The following CHN2 variants were observed in gnomAD, a reference collection of about 807,000 sequenced individuals.
The protein encoded by CHN2 is chimerin 2, also known as beta-chimaerin.
In CHN2, 35 loss-of-function variants were observed where a neutral mutation model predicts 56.3. The observed-to-expected ratio is 0.62, with a 90% CI of 0.47 to 0.82. The LOEUF (loss-of-function observed/expected upper bound fraction) is 0.82. CHN2 is among the 40% of genes least tolerant of loss of function. The pLI, the probability that CHN2 is intolerant of heterozygous loss-of-function variation, is 0.00. For synonymous variants in CHN2, 210 were observed against 212.8 expected (o/e 0.99, Z 0.12); for missense variants, 491 against 580.5 (o/e 0.85, Z 1.58).
At chr7:29,265,755 C>T (rs1456466579) in intron 1 of CHN2, among the ~76,000 whole-genome samples, 2 of 152,122 alleles carry the variant, frequency 1.3e-5, no homozygotes, top group Non-Finnish European at 1.5e-5. Flanking sequence ...TGAGTGACAG[C>T]TGAGGAGGAA....
chr7:29,461,816 TTGGA>T (rs5883212), intron 6 of CHN2, among the ~76,000 whole-genome samples: 67,126 of 143,656 alleles, frequency 0.47, 15,353 homozygotes, highest in Middle Eastern at 0.53. Flanking sequence ...GGTTGGTTCA[TTGGA>T]TGGATGGATG....
At chr7:29,381,945 G>A (rs760338898) in intron 3 of CHN2, among the ~76,000 whole-genome samples, 3 of 151,600 alleles carry the variant, frequency 2.0e-5, no homozygotes, top group African/African-American at 2.4e-5. Context: ...AAGCAAGACT[G>A]ACAGACCTTG....
chr7:29,189,436 C>T (rs1470350480), intron 2 of CHN2, among the ~76,000 whole-genome samples: 1 of 151,956 alleles, frequency 6.6e-6, no homozygotes, highest in Non-Finnish European at 1.5e-5. Flanking sequence ...CCATAGGAAC[C>T]CCCGCAGAAG....
chr7:29,483,315 C>T (rs1206956003), intron 7 of CHN2, among the ~76,000 whole-genome samples: 26 of 152,144 alleles, frequency 1.7e-4, no homozygotes, highest in Non-Finnish European at 7.3e-5. Flanking sequence ...TGGGACCTTG[C>T]GCTCTATTCT....
chr7:29,351,217 A>G (rs1797860704), intron 1 of CHN2, among the ~76,000 whole-genome samples: 1 of 151,944 alleles, frequency 6.6e-6, no homozygotes. Flanking sequence ...GAGGTTCTTT[A>G]AAAAAGAAGC....
chr7:29,276,229 G>A (rs39106), intron 1 of CHN2, among the ~76,000 whole-genome samples: 101,000 of 151,898 alleles, frequency 0.66, 34,016 homozygotes, highest in East Asian at 0.95. Context: ...AGAAATCCAC[G>A]TGGAGTTTCT....
intron 2 of CHN2, among the ~76,000 whole-genome samples, chr7:29,189,570 T>C (rs937786580): frequency 6.6e-6 from 1 of 152,110 alleles, no homozygotes; most frequent in Non-Finnish European, 1.5e-5. Flanking sequence ...ACCTGAAGTG[T>C]CAGGGAACAA....
At chr7:29,421,646 C>A (rs1163443921) in intron 6 of CHN2, among the ~76,000 whole-genome samples, 1 of 152,126 alleles carries the variant, frequency 6.6e-6, no homozygotes, top group Admixed American at 6.5e-5. Flanking sequence ...AGAAGGTGAG[C>A]TGAAAATTAA....
At chr7:29,384,610 A>T (rs1451588290) in intron 3 of CHN2, among the ~76,000 whole-genome samples, 1 of 152,204 alleles carries the variant, frequency 6.6e-6, no homozygotes, top group African/African-American at 2.4e-5. Flanking sequence ...TGCACGAGTC[A>T]TGGGTATTTG....
intron 6 of CHN2, among the ~76,000 whole-genome samples, chr7:29,437,723 G>GAA (rs55702454): frequency 1.3e-3 from 199 of 148,278 alleles, no homozygotes; most frequent in African/African-American, 4.4e-3. Context: ...TTTGCTTAGG[G>GAA]AAAAAAAAAA....
At chr7:29,210,775 A>G (rs1042960837) in intron 1 of CHN2, among the ~76,000 whole-genome samples, 1 of 152,144 alleles carries the variant, frequency 6.6e-6, no homozygotes, top group Non-Finnish European at 1.5e-5. Context: ...TGAGAAGGTG[A>G]CACTTGATGG....
chr7:29,171,398 G>A (rs1796585803), intron 2 of CHN2, among the ~76,000 whole-genome samples: 1 of 152,122 alleles, frequency 6.6e-6, no homozygotes, highest in South Asian at 2.1e-4. Context: ...ATAAACAACG[G>A]CATTAGCCAG....
rs1796480010 is a variant in CHN2 at position 29,334,665 on chromosome 7, G to GGAATCAC, written c.50-19959_50-19953dup. 3 of 152,306 alleles carry GGAATCAC rather than the reference G, an allele frequency of 2.0e-5. No homozygotes were observed. The South Asian group carries it at 6.2e-4, about 31-fold the overall frequency. The allele number at this position is 152,306 out of a possible 1,614,324, so 9.4% of individuals were successfully genotyped here. A position where few individuals can be genotyped will look rare whatever the true frequency, so the allele number is the denominator to read the frequency against. On this transcript the variant is annotated intron_variant, in intron 1 of 12. Coordinates refer to ENST00000222792, the MANE Select transcript of CHN2 (RefSeq NM_004067.4). ...TAGCTACTCAGGCGGCTGAAGTCGG[G>GGAATCAC]GAATCACTTGAGCTCAGGAGTTTAA...
intron 6 of CHN2, among the ~76,000 whole-genome samples, chr7:29,405,831 C>T (rs1802604684): frequency 6.6e-6 from 1 of 152,190 alleles, no homozygotes; most frequent in Non-Finnish European, 1.5e-5. Flanking sequence ...CCAAGGTGGT[C>T]CTTTCATTGG....
At chr7:29,346,366 G>T (rs1259062951) in intron 1 of CHN2, among the ~76,000 whole-genome samples, 1 of 152,172 alleles carries the variant, frequency 6.6e-6, no homozygotes, top group Non-Finnish European at 1.5e-5. Context: ...CCCATTCTGG[G>T]CCCATTAAGC....
At chr7:29,322,818 T>G (rs574195588) in intron 1 of CHN2, among the ~76,000 whole-genome samples, 1 of 152,306 alleles carries the variant, frequency 6.6e-6, no homozygotes, top group East Asian at 1.9e-4. Context: ...TAACAGCTTC[T>G]TGTAATGGGG....
intron 2 of CHN2, among the ~76,000 whole-genome samples, chr7:29,152,313 G>C (rs1022969630): frequency 2.6e-4 from 39 of 152,162 alleles, no homozygotes; most frequent in Non-Finnish European, 3.5e-4. Context: ...TGGATTTAAA[G>C]GATTCCCCCT....
At chr7:29,285,778 C>T (rs1052671482) in intron 1 of CHN2, among the ~76,000 whole-genome samples, 2 of 152,166 alleles carry the variant, frequency 1.3e-5, no homozygotes, top group Non-Finnish European at 2.9e-5. Flanking sequence ...CAATATTGCT[C>T]TTCTCCCTAG....
intron 1 of CHN2, among the ~76,000 whole-genome samples, chr7:29,294,647 C>T (rs912342475): frequency 6.6e-6 from 1 of 152,164 alleles, no homozygotes; most frequent in Non-Finnish European, 1.5e-5. Flanking sequence ...AGACTCTGCT[C>T]AAAATGCAGC....
Sources: allele counts gnomAD v4.1 joint callset (sites outside exome capture counted in the v4.1 genomes callset), GRCh38; gene constraint gnomAD v4.1.1; transcripts MANE v1.5; gene names NCBI Gene and HGNC (gene_info 2026-07-23, HGNC 2026-07-21).